Variants in PAFAH1B1 observed in about 807,000 individuals in gnomAD.
PAFAH1B1 encodes the protein platelet-activating factor acetylhydrolase IB subunit beta.
A neutral mutation model predicts 57.5 loss-of-function variants in PAFAH1B1; 2 were observed. The ratio of observed to expected loss-of-function variants is 0.03; its 90% confidence interval spans 0.01 to 0.11. The LOEUF is 0.11. PAFAH1B1 is among the 10% of genes least tolerant of loss of function. The probability of loss-of-function intolerance (pLI) is 1.00; values close to 1 mark genes in which losing one functional copy is unlikely to be tolerated. For synonymous variants in PAFAH1B1, 152 were observed against 169.6 expected, an observed-to-expected ratio of 0.90 and a Z score of 0.81; for missense variants, 257 against 512.0, an observed-to-expected ratio of 0.50 and a Z score of 4.81.
At chr17:2,603,315 A>G (rs1198061341) in intron 1 of PAFAH1B1, among the ~76,000 whole-genome samples, 1 of 152,012 alleles carries the variant, frequency 6.6e-6, no homozygotes, top group Non-Finnish European at 1.5e-5. Flanking sequence ...ATGCCTGGGT[A>G]ATTTTTGTAT....
chr17:2,670,085 C>G, intron 5 of PAFAH1B1, 78 bp from the exon 6 acceptor site: 2 of 1,174,966 alleles, frequency 1.7e-6, no homozygotes, highest in Non-Finnish European at 2.6e-6. Context: ...AGGTGCCAGA[C>G]TGGCCTGCTG....
In PAFAH1B1 at chr17:2,674,225, A is replaced by G; in HGVS notation, c.837A>G (p.Val279=). The G allele has an allele frequency of 6.2e-7, 1 of 1,614,092 alleles. No individual in the cohort carries two copies. The highest frequency in any genetic ancestry group is 8.5e-7 in the Non-Finnish European group (1 of 1,179,946). The stretch of plus-strand genomic sequence containing the variant: ...AGCTCCGAGAGCATGAGCATGTGGT[A>G]GAATGCATTTCCTGGGCTCCAGAAA... ...KAELREHEHV[V]ECISWAPESS... The change falls in exon 8 of 11, where the codon GTA becomes GTG. Residue 279 remains valine (V), a synonymous_variant. Transcript: ENST00000397195.
At chr17:2,665,533 G>C in intron 3 of PAFAH1B1, 77 bp downstream of exon 3, 1 of 843,606 alleles carries the variant, frequency 1.2e-6, no homozygotes, top group Non-Finnish European at 2.0e-6. Context: ...TAACAGTTAC[G>C]CACAATTTTG....
At position 2,666,015 on chromosome 17, in the gene PAFAH1B1, G is replaced by T; in HGVS notation, c.118-1G>T. On this transcript the variant is annotated splice_acceptor_variant, in intron 3 of 10. Coordinates refer to ENST00000397195, the MANE Select transcript of PAFAH1B1 (RefSeq NM_000430.4). LOFTEE classifies it high-confidence loss of function. ...AAAAATTCTAAATTTATTTTCTCTA[G>T]AATGAAGAATTAGATAAAAAGTATG... 6.7e-7 allele frequency: 1 copy of T among 1,494,960 alleles called. No homozygotes were observed. Among genetic ancestry groups the T allele is most frequent in the East Asian group, 2.4e-5 (1 of 41,844 alleles). 92.6% of individuals were successfully genotyped at this position (1,494,960 alleles called of 1,614,324 possible). A position where few individuals can be genotyped will look rare whatever the true frequency, so the allele number is the denominator to read the frequency against.
chr17:2,645,908 A>T (rs1420155939), intron 2 of PAFAH1B1, among the ~76,000 whole-genome samples: 1 of 151,876 alleles, frequency 6.6e-6, no homozygotes, highest in Admixed American at 6.6e-5. Flanking sequence ...CTGGCCAAAT[A>T]TATATATATT....
chr17:2,660,175 G>C (rs2068995720), intron 2 of PAFAH1B1, among the ~76,000 whole-genome samples: 1 of 150,710 alleles, frequency 6.6e-6, no homozygotes, highest in African/African-American at 2.4e-5. Context: ...AGGAATGCAT[G>C]TTATCTCCAT....
chr17:2,635,745 C>T (rs2068614765), intron 1 of PAFAH1B1, among the ~76,000 whole-genome samples: 1 of 151,916 alleles, frequency 6.6e-6, no homozygotes, highest in Non-Finnish European at 1.5e-5. Context: ...CTGTAATATA[C>T]ATAATATAGT....
chr17:2,672,233 A>G (rs1442136254), intron 6 of PAFAH1B1, among the ~76,000 whole-genome samples: 2 of 126,278 alleles, frequency 1.6e-5, no homozygotes, highest in East Asian at 2.8e-4. Context: ...ACAGTGAGCT[A>G]TGATTGCACC....
Position 2,638,231 on chromosome 17 carries a change from T to G in PAFAH1B1, c.-58T>G, listed in dbSNP as rs765701067. 6.5e-5 allele frequency: 96 copies of G among 1,478,790 alleles called. No homozygotes were observed. Among genetic ancestry groups the G allele is most frequent in the Middle Eastern group, 2.3e-4 (1 of 4,300 alleles). The allele number at this position is 1,478,790 out of a possible 1,614,324, so 91.6% of individuals were successfully genotyped here. ...TAAGTCCACGGATCAAAAAGCTTTT[T>G]GATTTCCCAAAGGAGGGACATACCA... On this transcript the variant is annotated 5_prime_UTR_variant, in exon 2 of 11. Transcript: ENST00000397195.
intron 1 of PAFAH1B1, chr17:2,613,828 G>T (rs9897253): frequency 0.28 from 74,338 of 266,266 alleles, 10,889 homozygotes; most frequent in Non-Finnish European, 0.31. Context: ...ACTCGGGCAG[G>T]GGCAGGAATC....
chr17:2,616,027 C>G lies in PAFAH1B1; in HGVS notation c.-191+22021C>G, dbSNP rs141258438. 4.3e-3 allele frequency among the ~76,000 whole-genome samples: 658 copies of G among 152,222 alleles called. 1 individual carries two copies. The highest frequency in any genetic ancestry group is 0.014 in the African/African-American group (569 of 41,550). On this transcript the variant is annotated intron_variant, in intron 1 of 10. Coordinates refer to ENST00000397195, the MANE Select transcript of PAFAH1B1 (RefSeq NM_000430.4). ...AAACTTAGTGGAAAGAAAGCAACGA[C>G]GAAACAAGAATAGGATGAGTTCTCA...
chr17:2,668,717 T>G (rs2069140536), intron 5 of PAFAH1B1, among the ~76,000 whole-genome samples: 1 of 151,376 alleles, frequency 6.6e-6, no homozygotes, highest in African/African-American at 2.4e-5. Context: ...AGCTCATGCC[T>G]GTAATCCCAG....
intron 1 of PAFAH1B1, among the ~76,000 whole-genome samples, chr17:2,605,386 T>A (rs2068193106): frequency 6.6e-6 from 1 of 152,170 alleles, no homozygotes; most frequent in Admixed American, 6.5e-5. Context: ...TTCAAGTCAC[T>A]TTGTTGCCAA....
chr17:2,601,737 C>T (rs779640257), intron 1 of PAFAH1B1, among the ~76,000 whole-genome samples: 2 of 152,104 alleles, frequency 1.3e-5, no homozygotes, highest in Admixed American at 6.6e-5. Context: ...CCACGGCGCC[C>T]GGCCTAATTT....
chr17:2,652,277 T>C (rs949189130), intron 2 of PAFAH1B1, among the ~76,000 whole-genome samples: 72 of 150,018 alleles, frequency 4.8e-4, no homozygotes, highest in Non-Finnish European at 8.6e-4. Context: ...TGGCCGGGCG[T>C]GGTGGCGGGT....
intron 2 of PAFAH1B1, among the ~76,000 whole-genome samples, chr17:2,642,904 T>C (rs2151637970): frequency 6.6e-6 from 1 of 152,256 alleles, no homozygotes; most frequent in East Asian, 1.9e-4. Flanking sequence ...TAAACCATTA[T>C]CTATAGAAAA....
chr17:2,626,357 A>G (rs1318353681), intron 1 of PAFAH1B1, among the ~76,000 whole-genome samples: 1 of 152,166 alleles, frequency 6.6e-6, no homozygotes, highest in African/African-American at 2.4e-5. Context: ...AATAAGTATG[A>G]TAACTCAATC....
chr17:2,627,906 A>C (rs1299293880), intron 1 of PAFAH1B1, among the ~76,000 whole-genome samples: 1 of 152,194 alleles, frequency 6.6e-6, no homozygotes, highest in Non-Finnish European at 1.5e-5. Context: ...TAGAAGAGCT[A>C]CTGATTTGTG....
intron 6 of PAFAH1B1, among the ~76,000 whole-genome samples, chr17:2,671,389 A>G: frequency 6.6e-6 from 1 of 151,768 alleles, no homozygotes. Context: ...TTGTATTTTT[A>G]GTAGAGACGG....
Sources: gnomAD v4.1 joint callset for allele counts (sites outside exome capture counted in the v4.1 genomes callset) on GRCh38, gnomAD v4.1.1 for gene constraint, MANE v1.5 for transcripts, NCBI Gene and HGNC (gene_info 2026-07-23, HGNC 2026-07-21) for gene names.